Variants in PLPPR3 observed in about 807,000 individuals in gnomAD.
The protein encoded by PLPPR3 is phospholipid phosphatase-related protein type 3.
Under a neutral mutation model 27.3 loss-of-function variants are expected in PLPPR3, and 14 were observed. That is an observed-to-expected ratio of 0.51 (90% CI 0.34 to 0.80). The LOEUF is 0.80. Among genes scored for constraint, PLPPR3 ranks in the 30% least tolerant of loss-of-function variants. The probability of loss-of-function intolerance (pLI) is 0.01; values close to 1 mark genes in which losing one functional copy is unlikely to be tolerated. For synonymous variants in PLPPR3, 671 were observed against 508.0 expected (o/e 1.32, Z -4.32); for missense variants, 1,287 against 1,056.9 (o/e 1.22, Z -3.02).
At chr19:816,368 C>A (rs567135478) in intron 2 of PLPPR3, among the ~76,000 whole-genome samples, 9 of 53,654 alleles carry the variant, frequency 1.7e-4, no homozygotes, top group African/African-American at 5.9e-4. Flanking sequence ...CATTACCCAG[C>A]CATTCATCCA....
At chr19:819,881 A>T (rs2035120482) in intron 2 of PLPPR3, among the ~76,000 whole-genome samples, 1 of 152,022 alleles carries the variant, frequency 6.6e-6, no homozygotes, top group African/African-American at 2.4e-5. Context: ...TGGCTCTGTC[A>T]TCCAGGCTGA....
intron 1 of PLPPR3, 112 bp downstream of exon 1, chr19:821,803 G>T (rs1289027684): frequency 2.8e-6 from 1 of 359,608 alleles, no homozygotes; most frequent in Admixed American, 4.8e-5. Context: ...GAGGGCGGGG[G>T]GTCTCCGGGC....
In PLPPR3 at chr19:815,038, G is replaced by A. The variant is rs374525513; in HGVS notation, c.447C>T (p.Asp149=). ...FGLCATALVT[D]VIQLATGYHT... ...GGTAACCCGTGGCCAGCTGGATCAC[G>A]TCCGTCACCAGGGCTGTGGCACACA... Residue 149 remains aspartate, a synonymous_variant, in exon 5 of 8, where the codon GAC becomes GAT. Transcript: ENST00000520876. 15 of 1,609,252 alleles carry A rather than the reference G, an allele frequency of 9.3e-6. No homozygotes were observed. The highest frequency in any genetic ancestry group is 5.0e-5 in the Admixed American group (3 of 59,988).
At chr19:818,520 G>GT (rs2035096743) in intron 2 of PLPPR3, among the ~76,000 whole-genome samples, 1 of 152,066 alleles carries the variant, frequency 6.6e-6, no homozygotes, top group Admixed American at 6.5e-5. Context: ...GAGCAACACA[G>GT]TAAGACCCTG....
At position 814,877 on chromosome 19, in the gene PLPPR3, C is replaced by T. The variant is rs2035024228; in HGVS notation, c.599+9G>A. 6.2e-7 allele frequency: 1 copy of T among 1,605,408 alleles called. No individual in the cohort carries two copies. On this transcript the variant is annotated intron_variant, in intron 5 of 7. Coordinates refer to ENST00000520876, the MANE Select transcript of PLPPR3 (RefSeq NM_001270366.2). The stretch of plus-strand genomic sequence containing the variant: ...GCTCCCAGTCAGGGGAGTTGGGGGT[C>T]CGGCTCACCGTGCAGACAGGATGGC...
chr19:822,764 G>T, upstream of PLPPR3, among the ~76,000 whole-genome samples: 1 of 152,232 alleles, frequency 6.6e-6, no homozygotes, highest in East Asian at 1.9e-4. Flanking sequence ...TGGGGAAACT[G>T]AGGCTTGGGC....
Position 812,520 on chromosome 19 carries a change from G to A in PLPPR3, c.*50C>T, listed in dbSNP as rs2034935889. ...CTGCCGCTTTATTGAGCATCCGCGCGGCCGCCCGCGCCCTCGGCCCGCCCC... is the reference window on the plus strand; with the variant it reads ...CTGCCGCTTTATTGAGCATCCGCGCAGCCGCCCGCGCCCTCGGCCCGCCCC... On this transcript the variant is annotated 3_prime_UTR_variant, in exon 8 of 8. Coordinates refer to ENST00000520876, the MANE Select transcript of PLPPR3 (RefSeq NM_001270366.2). 2.0e-6 allele frequency: 2 copies of A among 987,586 alleles called. No individual in the cohort carries two copies. Among genetic ancestry groups the A allele is most frequent in the South Asian group, 9.1e-5 (2 of 22,058 alleles). 61.2% of individuals were successfully genotyped at this position (987,586 alleles called of 1,614,324 possible).
In PLPPR3 at chr19:812,540, CGCCCCCCGCCCGCCCCCG is replaced by C. The variant is rs1391337472; in HGVS notation, c.*12_*29del. ...CGCGCGGCCGCCCGCGCCCTCGGCC[CGCCCCCCGCCCGCCCCCG>C]GCCCCGCCGCGCTAGTCGGGGAAGC... On this transcript the variant is annotated 3_prime_UTR_variant, in exon 8 of 8. Transcript: ENST00000520876. 1 of 925,568 alleles carries C rather than the reference CGCCCCCCGCCCGCCCCCG, an allele frequency of 1.1e-6. No homozygotes were observed. The highest frequency in any genetic ancestry group is 1.3e-6 in the Non-Finnish European group (1 of 774,456). The allele number at this position is 925,568 out of a possible 1,614,324, so 57.3% of individuals were successfully genotyped here.
chr19:819,659 T>C (rs1351193957), intron 2 of PLPPR3, among the ~76,000 whole-genome samples: 1 of 152,064 alleles, frequency 6.6e-6, no homozygotes, highest in African/African-American at 2.4e-5. Context: ...GGCAACTTAA[T>C]GATATTGTGT....
intron 2 of PLPPR3, among the ~76,000 whole-genome samples, chr19:817,811 C>T (rs1209455106): frequency 6.6e-6 from 1 of 152,142 alleles, no homozygotes; most frequent in Non-Finnish European, 1.5e-5. Flanking sequence ...TGGGTAGCAG[C>T]GTTTGTTTGC....
At chr19:823,790 A>G (rs1372451215), upstream of PLPPR3, among the ~76,000 whole-genome samples, 1 of 152,202 alleles carries the variant, frequency 6.6e-6, no homozygotes, top group African/African-American at 2.4e-5. Context: ...GCCCTGGAGA[A>G]GGGGGACGTT....
chr19:813,219 G>T lies in PLPPR3; in HGVS notation c.1508C>A (p.Thr503Lys), dbSNP rs767174142. The change falls in exon 8 of 8, where the codon ACG (threonine) becomes AAG (lysine). Residue 503 changes from threonine to lysine, a missense_variant. Physicochemically the swap from Thr to Lys is moderately conservative, Grantham distance 78. Coordinates refer to ENST00000520876, the MANE Select transcript of PLPPR3 (RefSeq NM_001270366.2). This position sits in a 1 kb window ranked among gnomAD's most constrained non-coding sequence, Gnocchi z 4.1. ...GCTTTTGGGGGACAGGCCGGCCCCC[G>T]TCTGCGCGCCCTCCTCCGGGATGTG... The part of the protein sequence containing the change: ...LVHIPEEGAQ[T>K]GAGLSPKSGA... 3.2e-5 allele frequency: 47 copies of T among 1,490,022 alleles called. No homozygotes were observed. The highest frequency in any genetic ancestry group is 4.1e-5 in the Non-Finnish European group (46 of 1,131,910). 92.3% of individuals were successfully genotyped at this position (1,490,022 alleles called of 1,614,324 possible).
upstream of PLPPR3, among the ~76,000 whole-genome samples, chr19:822,843 G>A (rs1013549287): frequency 1.3e-5 from 2 of 152,234 alleles, no homozygotes; most frequent in African/African-American, 2.4e-5. Context: ...TTTTTGGGCC[G>A]TGCGCGGTGG....
rs763592134 is a variant in PLPPR3 at position 813,127 on chromosome 19, G to C, written c.1600C>G (p.Pro534Ala). The change falls in exon 8 of 8, where the codon CCG (proline) becomes GCG (alanine). Residue 534 changes from proline to alanine, a missense_variant. Physicochemically the swap from Pro to Ala is conservative, Grantham distance 27. Transcript: ENST00000520876. The surrounding 1 kb of genome is among the most constrained non-coding windows in gnomAD (Gnocchi z 4.1). ...EKSGAAVANP[P>A]RLLQVIAMSK... The stretch of plus-strand genomic sequence containing the variant: ...ATGGCGATGACCTGCAGCAGCCGCG[G>C]AGGGTTGGCCACTGCCGCCCCGCTC... The C allele has an allele frequency of 6.6e-7, 1 of 1,509,600 alleles. No homozygotes were observed. Among genetic ancestry groups the C allele is most frequent in the South Asian group, 1.2e-5 (1 of 80,904 alleles). The allele number at this position is 1,509,600 out of a possible 1,614,324, so 93.5% of individuals were successfully genotyped here.
chr19:813,359 T>TTCC lies in PLPPR3; in HGVS notation c.1365_1367dup (p.Glu459dup), dbSNP rs751140940. 5.4e-5 allele frequency: 80 copies of TTCC among 1,485,382 alleles called. No individual in the cohort carries two copies. In the South Asian group the frequency reaches 8.6e-4, roughly 16 times the overall value. 92.0% of individuals were successfully genotyped at this position (1,485,382 alleles called of 1,614,324 possible). ...GGGCCGGGCCCTCGTCCTCCTCCTC[T>TTCC]TCCTCCTCCTCCTCTTCCTCTTCGT... On this transcript the variant is annotated inframe_insertion, in exon 8 of 8. Coordinates refer to ENST00000520876, the MANE Select transcript of PLPPR3 (RefSeq NM_001270366.2). The surrounding 1 kb of genome is among the most constrained non-coding windows in gnomAD (Gnocchi z 4.1).
Position 812,891 on chromosome 19 carries a change from C to A in PLPPR3, c.1836G>T (p.Lys612Asn). ...GCTCGTAGCCGCCGTCGGCCTCCGCCTTGGCCCCGCCGCCCGCCGCCTTCC... is the reference window on the plus strand; with the variant it reads ...GCTCGTAGCCGCCGTCGGCCTCCGCATTGGCCCCGCCGCCCGCCGCCTTCC... ...WEWKAAGGGA[K>N]AEADGGYELG... The change falls in exon 8 of 8, where the codon AAG becomes AAT. Residue 612 changes from lysine (K) to asparagine (N), a missense_variant. Coordinates refer to ENST00000520876, the MANE Select transcript of PLPPR3 (RefSeq NM_001270366.2). 1 of 1,265,242 alleles carries A rather than the reference C, an allele frequency of 7.9e-7. No homozygotes were observed. The allele number at this position is 1,265,242 out of a possible 1,614,324, so 78.4% of individuals were successfully genotyped here. A position where few individuals can be genotyped will look rare whatever the true frequency, so the allele number is the denominator to read the frequency against.
Position 813,712 on chromosome 19 carries a change from C to T in PLPPR3, c.1015G>A (p.Val339Met), listed in dbSNP as rs1178637656. Residue 339 changes from valine to methionine, a missense_variant, in exon 8 of 8, where the codon GTG (valine) becomes ATG (methionine). Val to Met is a conservative substitution (Grantham distance 21). Coordinates refer to ENST00000520876, the MANE Select transcript of PLPPR3 (RefSeq NM_001270366.2). This position sits in a 1 kb window ranked among gnomAD's most constrained non-coding sequence, Gnocchi z 4.1. ...PGRLEGAPRP[V>M]AREKTSLGSL... ...CCCAGCGAGGTCTTCTCGCGGGCCA[C>T]GGGCCGGGGCGCGCCCTCCAGCCGC... The T allele has an allele frequency of 2.6e-6, 4 of 1,524,862 alleles. No individual in the cohort carries two copies. Among genetic ancestry groups the T allele is most frequent in the Non-Finnish European group, 3.5e-6 (4 of 1,141,852 alleles). The allele number at this position is 1,524,862 out of a possible 1,614,324, so 94.5% of individuals were successfully genotyped here.
upstream of PLPPR3, among the ~76,000 whole-genome samples, chr19:822,285 G>A (rs2035160772): frequency 6.6e-6 from 1 of 151,526 alleles, no homozygotes; most frequent in Non-Finnish European, 1.5e-5. Flanking sequence ...CCATCGAGAC[G>A]GGGGCGGAGG....
chr19:816,099 C>T (rs953286323), intron 2 of PLPPR3, among the ~76,000 whole-genome samples: 5 of 152,062 alleles, frequency 3.3e-5, no homozygotes, highest in Non-Finnish European at 7.4e-5. Flanking sequence ...CCCCAACATC[C>T]ACCCACTCAC....
Sources: allele counts gnomAD v4.1 joint callset (sites outside exome capture counted in the v4.1 genomes callset), GRCh38; gene constraint gnomAD v4.1.1; non-coding constraint Gnocchi (gnomAD v3.1); transcripts MANE v1.5; gene names NCBI Gene and HGNC (gene_info 2026-07-23, HGNC 2026-07-21).